The following ARID1B variants were observed in gnomAD, a reference collection of about 807,000 sequenced individuals.
The protein encoded by ARID1B is AT-rich interactive domain-containing protein 1B.
In ARID1B, 30 loss-of-function variants were observed where a neutral mutation model predicts 212.3. The observed-to-expected ratio is 0.14, with a 90% confidence interval of 0.11 to 0.19. The LOEUF (loss-of-function observed/expected upper bound fraction) is 0.19, where lower values mean the gene tolerates loss of function less well. Among genes scored for constraint, ARID1B ranks in the 10% least tolerant of loss-of-function variants. The probability of loss-of-function intolerance (pLI) is 1.00; values close to 1 mark genes in which losing one functional copy is unlikely to be tolerated. For synonymous variants in ARID1B, 1,402 were observed against 1,301.7 expected, an observed-to-expected ratio of 1.08 and a Z score of -1.66; for missense variants, 2,891 against 3,204.0, an observed-to-expected ratio of 0.90 and a Z score of 2.36.
chr6:156,905,007 T>C (rs1789245597), intron 3 of ARID1B, among the ~76,000 whole-genome samples: 1 of 152,234 alleles, frequency 6.6e-6, no homozygotes, highest in African/African-American at 2.4e-5. Flanking sequence ...TATCTTGTTA[T>C]GAGTAATGTT....
intron 2 of ARID1B, among the ~76,000 whole-genome samples, chr6:156,850,580 T>C (rs923965651): frequency 1.1e-4 from 17 of 152,268 alleles, no homozygotes; most frequent in Admixed American, 9.8e-4. Context: ...GATCACAGAG[T>C]GGCTCTTCGT....
intron 1 of ARID1B, among the ~76,000 whole-genome samples, chr6:156,785,568 A>G (rs889053340): frequency 6.6e-6 from 1 of 152,170 alleles, no homozygotes. Context: ...ATAACATACA[A>G]CTTACCATTT....
intron 2 of ARID1B, among the ~76,000 whole-genome samples, chr6:156,866,239 G>A (rs1191898545): frequency 6.6e-6 from 1 of 152,182 alleles, no homozygotes; most frequent in South Asian, 2.1e-4. Flanking sequence ...GTTCTGAGGA[G>A]CCCCTCTTTT....
chr6:157,148,338 G>GTTTTTTGT lies in ARID1B; in HGVS notation c.2762-275_2762-268dup, dbSNP rs542167688. 1.5e-3 allele frequency among the ~76,000 whole-genome samples: 229 copies of GTTTTTTGT among 152,138 alleles called. 2 individuals carry two copies. The highest frequency in any genetic ancestry group is 0.011 in the South Asian group (54 of 4,828). On this transcript the variant is annotated intron_variant, in intron 7 of 19. Transcript: ENST00000636930. This position sits in a 1 kb window ranked among gnomAD's most constrained non-coding sequence, Gnocchi z 5.6. ...TGTCCCTTGCCTATTCATAGGGTTT[G>GTTTTTTGT]TTTTTTGTTTTTTTGTTTGTTTCTT...
intron 1 of ARID1B, among the ~76,000 whole-genome samples, chr6:156,806,180 G>A (rs1021776006): frequency 6.6e-6 from 1 of 152,206 alleles, no homozygotes; most frequent in Non-Finnish European, 1.5e-5. Flanking sequence ...ATTGCTGGAA[G>A]GGTGCGTTGC....
chr6:157,026,690 T>A (rs930140035), intron 4 of ARID1B, among the ~76,000 whole-genome samples: 5 of 152,212 alleles, frequency 3.3e-5, no homozygotes, highest in Admixed American at 6.5e-5. Context: ...ATACCCTTTT[T>A]ATTTTTGAGA....
chr6:157,047,914 C>A (rs1274504543), intron 4 of ARID1B, among the ~76,000 whole-genome samples: 2 of 152,196 alleles, frequency 1.3e-5, no homozygotes, highest in Non-Finnish European at 2.9e-5. Context: ...TGTAAAATTC[C>A]TTTGCATGCA....
At chr6:156,905,485 A>G (rs1789303277) in intron 3 of ARID1B, among the ~76,000 whole-genome samples, 1 of 152,242 alleles carries the variant, frequency 6.6e-6, no homozygotes, top group Non-Finnish European at 1.5e-5. Flanking sequence ...CACATTATGG[A>G]AAACAATCTG....
At chr6:156,816,550 G>A (rs1281290211) in intron 1 of ARID1B, among the ~76,000 whole-genome samples, 1 of 152,224 alleles carries the variant, frequency 6.6e-6, no homozygotes, top group Non-Finnish European at 1.5e-5. Flanking sequence ...AGTTGATGGT[G>A]ATAAATTGAG....
At chr6:156,987,461 G>T (rs1222156787) in intron 4 of ARID1B, among the ~76,000 whole-genome samples, 1 of 151,898 alleles carries the variant, frequency 6.6e-6, no homozygotes, top group Non-Finnish European at 1.5e-5. Context: ...CTCCCAAGTA[G>T]CTGAGACTAC....
chr6:156,875,198 C>T (rs1786447850), intron 2 of ARID1B, among the ~76,000 whole-genome samples: 1 of 152,218 alleles, frequency 6.6e-6, no homozygotes, highest in African/African-American at 2.4e-5. Context: ...TACACCATCA[C>T]ACTGCCATAT....
At chr6:156,900,303 G>A (rs1788813737) in intron 2 of ARID1B, among the ~76,000 whole-genome samples, 1 of 152,142 alleles carries the variant, frequency 6.6e-6, no homozygotes, top group Admixed American at 6.5e-5. Context: ...TTACCCCATT[G>A]TATATGTTAG....
chr6:157,143,946 C>T (rs576915546), intron 7 of ARID1B, among the ~76,000 whole-genome samples: 17 of 152,210 alleles, frequency 1.1e-4, no homozygotes, highest in Non-Finnish European at 2.4e-4. Context: ...CTGGCCTAAG[C>T]GCCTTTCTAA....
intron 1 of ARID1B, among the ~76,000 whole-genome samples, chr6:156,788,224 A>G (rs543326152): frequency 1.3e-5 from 2 of 152,158 alleles, no homozygotes; most frequent in African/African-American, 4.8e-5. Context: ...AAACCACACT[A>G]GATCCCAGAC....
chr6:156,781,523 CAA>C (rs1779265529), intron 1 of ARID1B, among the ~76,000 whole-genome samples: 1 of 152,012 alleles, frequency 6.6e-6, no homozygotes, highest in Non-Finnish European at 1.5e-5. Flanking sequence ...GGTATTTTAA[CAA>C]TAATCATACC....
At chr6:157,090,178 C>T (rs573102696) in intron 5 of ARID1B, among the ~76,000 whole-genome samples, 19 of 145,912 alleles carry the variant, frequency 1.3e-4, no homozygotes, top group African/African-American at 5.1e-4. Flanking sequence ...TGGCCAGAGG[C>T]TTTTGTCAGC....
At chr6:157,067,346 G>A (rs1583247007) in intron 4 of ARID1B, among the ~76,000 whole-genome samples, 1 of 152,274 alleles carries the variant, frequency 6.6e-6, no homozygotes, top group African/African-American at 2.4e-5. Flanking sequence ...TGCCAGGCAG[G>A]GTCACTGTGA....
Position 157,208,862 on chromosome 6 carries a change from TACAAAAA to T in ARID1B, c.*979_*985del, listed in dbSNP as rs950962702. The T allele has an allele frequency of 5.4e-5, 12 of 223,834 alleles. No individual in the cohort carries two copies. Among genetic ancestry groups the T allele is most frequent in the Middle Eastern group, 1.3e-3 (1 of 752 alleles). 13.9% of individuals were successfully genotyped at this position (223,834 alleles called of 1,614,324 possible). A position where few individuals can be genotyped will look rare whatever the true frequency, so the allele number is the denominator to read the frequency against. On this transcript the variant is annotated 3_prime_UTR_variant, in exon 20 of 20. Transcript: ENST00000636930. The stretch of plus-strand genomic sequence containing the variant: ...TATCTCCAAAAAAAGAAAGAAAAAA[TACAAAAA>T]ACAAAAACAAAAAAAAAAGAGGGTA...
intron 4 of ARID1B, among the ~76,000 whole-genome samples, chr6:156,980,749 C>T (rs1252743161): frequency 3.3e-5 from 5 of 152,084 alleles, no homozygotes; most frequent in African/African-American, 4.8e-5. Flanking sequence ...TGCAGCAGCC[C>T]GGAACCCGGC....
Sources: gnomAD v4.1 joint callset for allele counts (sites outside exome capture counted in the v4.1 genomes callset) on GRCh38, gnomAD v4.1.1 for gene constraint, Gnocchi (gnomAD v3.1) non-coding constraint, MANE v1.5 for transcripts, NCBI Gene and HGNC (gene_info 2026-07-23, HGNC 2026-07-21) for gene names.